SEC23B: variants seen among roughly 807,000 people sequenced by gnomAD.
The protein encoded by SEC23B is protein transport protein Sec23B.
A neutral mutation model predicts 104.3 loss-of-function variants in SEC23B; 77 were observed. The ratio of observed to expected loss-of-function variants is 0.74; its 90% CI spans 0.61 to 0.89. SEC23B has a LOEUF of 0.89. Ranked by LOEUF, SEC23B falls within the 40% of genes least tolerant of loss-of-function variation. The pLI is 0.00. For synonymous variants in SEC23B, 338 were observed against 332.5 expected, an observed-to-expected ratio of 1.02 and a Z score of -0.18; for missense variants, 885 against 949.4, an observed-to-expected ratio of 0.93 and a Z score of 0.89.
Position 18,548,590 on chromosome 20 carries a change from C to G in SEC23B, c.1744-19C>G, listed in dbSNP as rs2060356416. ...GTTACAATTATATGCATTTCTCTTT[C>G]CGTTCTTTGTGAATGCAGTTTATGT... is the stretch of plus-strand genomic sequence containing the variant. On this transcript the variant is annotated intron_variant, in intron 15 of 19. Transcript: ENST00000650089. The G allele has an allele frequency of 1.9e-6, 3 of 1,611,838 alleles. No homozygotes were observed. Among genetic ancestry groups the G allele is most frequent in the Non-Finnish European group, 2.5e-6 (3 of 1,178,092 alleles).
intron 19 of SEC23B, among the ~76,000 whole-genome samples, chr20:18,560,271 A>G (rs191894729): frequency 2.0e-5 from 3 of 152,266 alleles, no homozygotes; most frequent in Admixed American, 2.0e-4. Flanking sequence ...GTTTGTGGGT[A>G]CACCATTATC....
At chr20:18,546,903 GTTTTTTTTTTTTTT>G (rs58809009) in intron 15 of SEC23B, among the ~76,000 whole-genome samples, 2 of 115,496 alleles carry the variant, frequency 1.7e-5, no homozygotes, top group East Asian at 2.8e-4. Flanking sequence ...GTGGTTTGCA[GTTTTTTTTTTTTTT>G]TTTTTTTTTT....
At chr20:18,542,529 T>A (rs1473206212) in intron 13 of SEC23B, 127 bp downstream of exon 13, 2 of 980,438 alleles carry the variant, frequency 2.0e-6, no homozygotes, top group East Asian at 5.1e-5. Flanking sequence ...CTCATTAGCT[T>A]ATTTGATCAG....
At chr20:18,530,611 A>G (rs908188922) in intron 9 of SEC23B, 69 bp from the exon 10 acceptor site, 4 of 1,552,998 alleles carry the variant, frequency 2.6e-6, no homozygotes, top group African/African-American at 2.8e-5. Flanking sequence ...ATTTTTGTAA[A>G]TACTGAGGGA....
At chr20:18,535,190 A>T (rs2060218025) in intron 11 of SEC23B, among the ~76,000 whole-genome samples, 1 of 146,236 alleles carries the variant, frequency 6.8e-6, no homozygotes, top group African/African-American at 2.5e-5. Flanking sequence ...ACCCCCTGAC[A>T]CACCCACCCC....
At position 18,528,031 on chromosome 20, in the gene SEC23B, A is replaced by G. The variant is rs114493630; in HGVS notation, c.1109+420A>G. Among the ~76,000 whole-genome samples, 539 of 152,258 alleles carry G rather than the reference A, an allele frequency of 3.5e-3. 2 individuals carry two copies. The highest frequency in any genetic ancestry group is 0.012 in the African/African-American group (505 of 41,544). ...CTAACTCCAAGTGCACTCAGCCTAG[A>G]GGTTGTACTGACTCAAAGCCTGAGT... On this transcript the variant is annotated intron_variant, in intron 9 of 19. Coordinates refer to ENST00000650089, the MANE Select transcript of SEC23B (RefSeq NM_006363.6).
intron 15 of SEC23B, among the ~76,000 whole-genome samples, chr20:18,546,594 T>C (rs888807868): frequency 1.3e-5 from 2 of 152,166 alleles, no homozygotes; most frequent in Non-Finnish European, 2.9e-5. Flanking sequence ...TAGAGCACAA[T>C]TCATGGGTGT....
At chr20:18,529,407 G>T (rs567042396) in intron 9 of SEC23B, among the ~76,000 whole-genome samples, 2 of 152,378 alleles carry the variant, frequency 1.3e-5, no homozygotes, top group South Asian at 4.1e-4. Flanking sequence ...ATGTAACTTG[G>T]CAGGTATTTT....
chr20:18,531,591 G>A (rs112915698), intron 10 of SEC23B, among the ~76,000 whole-genome samples: 3 of 148,226 alleles, frequency 2.0e-5, no homozygotes, highest in African/African-American at 7.4e-5. Context: ...AGGAGGCGGA[G>A]GTTGCGGTGA....
At chr20:18,540,527 A>G (rs2148914274) in intron 12 of SEC23B, among the ~76,000 whole-genome samples, 1 of 152,294 alleles carries the variant, frequency 6.6e-6, no homozygotes, top group Middle Eastern at 3.4e-3. Flanking sequence ...GTCCTAGGAT[A>G]CTTGGAATGG....
chr20:18,547,045 C>T (rs1161888162), intron 15 of SEC23B, among the ~76,000 whole-genome samples: 2 of 151,944 alleles, frequency 1.3e-5, no homozygotes, highest in African/African-American at 2.4e-5. Flanking sequence ...TGGGTCCCAC[C>T]AGAGCCCTCA....
At chr20:18,543,396 A>G (rs1170247056) in intron 14 of SEC23B, among the ~76,000 whole-genome samples, 1 of 152,194 alleles carries the variant, frequency 6.6e-6, no homozygotes, top group Non-Finnish European at 1.5e-5. Context: ...GAGCATTTGG[A>G]GAGTGATACA....
intron 12 of SEC23B, among the ~76,000 whole-genome samples, chr20:18,536,458 C>T (rs1011754653): frequency 3.3e-5 from 5 of 152,012 alleles, no homozygotes; most frequent in East Asian, 1.9e-4. Flanking sequence ...TTTGGGAGGC[C>T]GAGGCGGGCG....
intron 9 of SEC23B, among the ~76,000 whole-genome samples, chr20:18,528,575 A>C (rs188628858): frequency 2.0e-5 from 3 of 152,188 alleles, no homozygotes; most frequent in African/African-American, 7.2e-5. Flanking sequence ...ACAACCCCAC[A>C]GGTGATGCTG....
At chr20:18,552,359 T>C (rs1600278003) in intron 17 of SEC23B, among the ~76,000 whole-genome samples, 1 of 152,342 alleles carries the variant, frequency 6.6e-6, no homozygotes, top group East Asian at 1.9e-4. Flanking sequence ...CTGTCAGTAA[T>C]AGTCCTAGAC....
chr20:18,509,137 C>T (rs979782414), intron 1 of SEC23B, among the ~76,000 whole-genome samples: 1 of 152,180 alleles, frequency 6.6e-6, no homozygotes, highest in African/African-American at 2.4e-5. Context: ...TTAGTTATCC[C>T]TTTGCTTCCC....
intron 9 of SEC23B, among the ~76,000 whole-genome samples, chr20:18,528,748 T>C (rs967947065): frequency 6.6e-6 from 1 of 152,250 alleles, no homozygotes; most frequent in African/African-American, 2.4e-5. Flanking sequence ...TACCACGGCC[T>C]TCCAGGAGTT....
At chr20:18,547,647 CT>C (rs1312196997) in intron 15 of SEC23B, among the ~76,000 whole-genome samples, 1 of 152,188 alleles carries the variant, frequency 6.6e-6, no homozygotes, top group African/African-American at 2.4e-5. Flanking sequence ...CCCCTTCCCC[CT>C]GGCCCTGTGG....
rs2060301902 is a variant in SEC23B, at chr20:18,543,008, G to A, written c.1512-11G>A. The stretch of plus-strand genomic sequence containing the variant: ...TAAACATAAGCATGGCACTAACTCT[G>A]GAATTGTCAGTTGGGCAGATGTACA... On this transcript the variant is annotated splice_polypyrimidine_tract_variant and intron_variant, in intron 13 of 19. Transcript: ENST00000650089. 5 of 1,613,980 alleles carry A rather than the reference G, an allele frequency of 3.1e-6. No individual in the cohort carries two copies. The South Asian group carries it at 5.5e-5, about 18-fold the overall frequency.
Sources: gnomAD v4.1 joint callset for allele counts (sites outside exome capture counted in the v4.1 genomes callset) on GRCh38, gnomAD v4.1.1 for gene constraint, MANE v1.5 for transcripts, NCBI Gene and HGNC (gene_info 2026-07-23, HGNC 2026-07-21) for gene names.